TRIM58: variants seen among roughly 807,000 people sequenced by gnomAD.
TRIM58 encodes E3 ubiquitin-protein ligase TRIM58.
Under a neutral mutation model 34.1 loss-of-function variants are expected in TRIM58, and 38 were observed. The ratio of observed to expected loss-of-function variants is 1.12; its 90% CI spans 0.86 to 1.46. The LOEUF (loss-of-function observed/expected upper bound fraction) is 1.46, where lower values mean the gene tolerates loss of function less well. Among genes scored for constraint, TRIM58 ranks in the 40% most tolerant of loss-of-function variants. TRIM58 has a pLI of 0.00. For missense variants in TRIM58, 677 were observed against 642.0 expected, an observed-to-expected ratio of 1.05 and a Z score of -0.59; for synonymous variants, 273 against 275.7, an observed-to-expected ratio of 0.99 and a Z score of 0.10.
Position 247,876,264 on chromosome 1 carries a change from G to T in TRIM58, c.1236G>T (p.Gly412=). The change falls in exon 6 of 6, where the codon GGG becomes GGT. Residue 412 remains glycine, a synonymous_variant. Transcript: ENST00000366481. ...LLQLESPRCI[G]IFLDYEAGEI... ...AACTGGAAAGTCCTCGCTGCATTGGGATTTTCTTGGACTATGAAGCCGGTG... is the reference window on the plus strand; with the variant it reads ...AACTGGAAAGTCCTCGCTGCATTGGTATTTTCTTGGACTATGAAGCCGGTG... 6 of 1,614,214 alleles carry T rather than the reference G, an allele frequency of 3.7e-6. No individual in the cohort carries two copies. Among genetic ancestry groups the T allele is most frequent in the Non-Finnish European group, 5.1e-6 (6 of 1,180,046 alleles).
intron 5 of TRIM58, among the ~76,000 whole-genome samples, chr1:247,870,256 G>C (rs957369474): frequency 1.3e-5 from 2 of 152,174 alleles, no homozygotes; most frequent in Non-Finnish European, 2.9e-5. Context: ...TTCCGTGGGA[G>C]AGTGCACCAT....
chr1:247,860,251 G>C (rs1663753865), intron 1 of TRIM58, among the ~76,000 whole-genome samples: 1 of 152,144 alleles, frequency 6.6e-6, no homozygotes, highest in Non-Finnish European at 1.5e-5. Context: ...CTCTCTGGAG[G>C]CCAGCAGTTT....
intron 3 of TRIM58, among the ~76,000 whole-genome samples, chr1:247,865,713 C>T (rs1024921382): frequency 6.6e-6 from 1 of 152,072 alleles, no homozygotes; most frequent in African/African-American, 2.4e-5. Context: ...GCATCATATC[C>T]CAAGTGAACA....
intron 5 of TRIM58, among the ~76,000 whole-genome samples, chr1:247,874,023 T>TAGTAGC (rs201133113): frequency 2.0e-4 from 31 of 152,240 alleles, no homozygotes; most frequent in Middle Eastern, 3.4e-3. Context: ...GTGGTAGTGG[T>TAGTAGC]AGTAGCAGTA....
chr1:247,857,605 C>T lies in TRIM58; in HGVS notation c.359C>T (p.Ala120Val). The T allele has an allele frequency of 7.9e-7, 1 of 1,258,886 alleles. No individual in the cohort carries two copies. Among genetic ancestry groups the T allele is most frequent in the Non-Finnish European group, 9.9e-7 (1 of 1,005,330 alleles). 78.0% of individuals were successfully genotyped at this position (1,258,886 alleles called of 1,614,324 possible). A position where few individuals can be genotyped will look rare whatever the true frequency, so the allele number is the denominator to read the frequency against. The part of the protein sequence containing the change: ...DEAALCWVCD[A>V]GPEHRTHRTA... The stretch of plus-strand genomic sequence containing the variant: ...GCGGCGCTGTGCTGGGTGTGCGACG[C>T]CGGCCCCGAGCACAGGACGCACCGC... Residue 120 changes from alanine (A) to valine (V), a missense_variant, in exon 1 of 6, where the codon GCC (alanine) becomes GTC (valine). Ala to Val is a moderately conservative substitution (Grantham distance 64). Transcript: ENST00000366481.
At position 247,860,597 on chromosome 1, in the gene TRIM58, G is replaced by A; in HGVS notation, c.421-20G>A. ...GTACAGATTGAGGGCATCTGTAACA[G>A]CTGAAATGTTCCCAAACAGGTAAAG... On this transcript the variant is annotated intron_variant, in intron 1 of 5. Coordinates refer to ENST00000366481, the MANE Select transcript of TRIM58 (RefSeq NM_015431.4). The A allele has an allele frequency of 3.1e-6, 5 of 1,594,052 alleles. No individual in the cohort carries two copies. Among genetic ancestry groups the A allele is most frequent in the Non-Finnish European group, 4.3e-6 (5 of 1,162,696 alleles).
chr1:247,857,321 G>C lies in TRIM58; in HGVS notation c.75G>C (p.Glu25Asp). ...CGGTGTGCCTGGATTTCCTGCAGGA[G>C]CCGGTCAGCGTGGACTGCGGCCACA... ...RCPVCLDFLQ[E>D]PVSVDCGHSF... The change falls in exon 1 of 6, where the codon GAG (glutamate) becomes GAC (aspartate). Residue 25 changes from glutamate to aspartate, a missense_variant. Transcript: ENST00000366481. 1 of 1,455,238 alleles carries C rather than the reference G, an allele frequency of 6.9e-7. No individual in the cohort carries two copies. Among genetic ancestry groups the C allele is most frequent in the Non-Finnish European group, 9.1e-7 (1 of 1,098,918 alleles). The allele number at this position is 1,455,238 out of a possible 1,614,324, so 90.1% of individuals were successfully genotyped here. A position where few individuals can be genotyped will look rare whatever the true frequency, so the allele number is the denominator to read the frequency against.
intron 3 of TRIM58, among the ~76,000 whole-genome samples, 167 bp from the exon 4 acceptor site, chr1:247,867,678 G>A (rs1445388250): frequency 1.3e-5 from 2 of 151,810 alleles, no homozygotes; most frequent in African/African-American, 2.4e-5. Context: ...CAACAAGAAC[G>A]AAACTCCATC....
Position 247,864,561 on chromosome 1 carries a change from T to C in TRIM58, c.517-144T>C, listed in dbSNP as rs969948907. 9 of 747,432 alleles carry C rather than the reference T, an allele frequency of 1.2e-5. No homozygotes were observed. In the African/African-American group the frequency reaches 1.4e-4, roughly 12 times the overall value. 46.3% of individuals were successfully genotyped at this position (747,432 alleles called of 1,614,324 possible). A position where few individuals can be genotyped will look rare whatever the true frequency, so the allele number is the denominator to read the frequency against. Reference sequence around the variant, plus strand: ...TACTTCTTATATGAATGGACTCCAGTCTGTGCATGTTGTTAGGATGCAACC... The same window carrying C: ...TACTTCTTATATGAATGGACTCCAGCCTGTGCATGTTGTTAGGATGCAACC... On this transcript the variant is annotated intron_variant, in intron 2 of 5. Coordinates refer to ENST00000366481, the MANE Select transcript of TRIM58 (RefSeq NM_015431.4).
intron 5 of TRIM58, among the ~76,000 whole-genome samples, chr1:247,869,524 T>G (rs1380532960): frequency 2.0e-5 from 3 of 152,256 alleles, no homozygotes; most frequent in Non-Finnish European, 2.9e-5. Flanking sequence ...AATACACACT[T>G]CACAGTATCA....
intron 3 of TRIM58, among the ~76,000 whole-genome samples, chr1:247,866,431 C>T (rs1160065325): frequency 6.6e-6 from 1 of 152,140 alleles, no homozygotes; most frequent in Non-Finnish European, 1.5e-5. Context: ...GATCCGCCCA[C>T]TTTGGCCTCC....
rs979420707 is a variant in TRIM58, at chr1:247,880,091, A to G, written c.*3602A>G. Among the ~76,000 whole-genome samples, 3 of 152,092 alleles carry G rather than the reference A, an allele frequency of 2.0e-5. No homozygotes were observed. The highest frequency in any genetic ancestry group is 6.6e-5 in the Admixed American group (1 of 15,266). Reference sequence around the variant, plus strand: ...CTGGTTTGTATGTGGTTATCATTCAATCTGTATTTGTTGAATGAATAAATG... The same window carrying G: ...CTGGTTTGTATGTGGTTATCATTCAGTCTGTATTTGTTGAATGAATAAATG... On this transcript the variant is annotated 3_prime_UTR_variant, in exon 6 of 6. Coordinates refer to ENST00000366481, the MANE Select transcript of TRIM58 (RefSeq NM_015431.4).
At position 247,857,449 on chromosome 1, in the gene TRIM58, G is replaced by A; in HGVS notation, c.203G>A (p.Gly68Asp). The stretch of plus-strand genomic sequence containing the variant: ...TGCCGGGGCCCCTTCCGGCCCTCGG[G>A]CTTTCGCCCCAACCGGCAGCTGGCG... ...PQCRGPFRPS[G>D]FRPNRQLAGL... The change falls in exon 1 of 6, where the codon GGC (glycine) becomes GAC (aspartate). Residue 68 changes from glycine (G) to aspartate (D), a missense_variant. Transcript: ENST00000366481. The A allele has an allele frequency of 4.2e-6, 6 of 1,414,838 alleles. No homozygotes were observed. Among genetic ancestry groups the A allele is most frequent in the Non-Finnish European group, 5.6e-6 (6 of 1,077,434 alleles). The allele number at this position is 1,414,838 out of a possible 1,614,324, so 87.6% of individuals were successfully genotyped here. A position where few individuals can be genotyped will look rare whatever the true frequency, so the allele number is the denominator to read the frequency against.
Position 247,876,640 on chromosome 1 carries a change from A to C in TRIM58, c.*151A>C. 2 of 630,714 alleles carry C rather than the reference A, an allele frequency of 3.2e-6. No homozygotes were observed. Among genetic ancestry groups the C allele is most frequent in the South Asian group, 2.1e-5 (1 of 48,736 alleles). 39.1% of individuals were successfully genotyped at this position (630,714 alleles called of 1,614,324 possible). A position where few individuals can be genotyped will look rare whatever the true frequency, so the allele number is the denominator to read the frequency against. Reference sequence around the variant, plus strand: ...ATATGTCCATGGGACAAAAGAGGGAATATGAAATATTTGCATATGGGAAGA... The same window carrying C: ...ATATGTCCATGGGACAAAAGAGGGACTATGAAATATTTGCATATGGGAAGA... On this transcript the variant is annotated 3_prime_UTR_variant, in exon 6 of 6. Transcript: ENST00000366481.
intron 5 of TRIM58, 118 bp from the exon 6 acceptor site, chr1:247,875,782 C>T: frequency 2.6e-6 from 2 of 777,608 alleles, no homozygotes; most frequent in Non-Finnish European, 4.0e-6. Flanking sequence ...TTTGTTTTCT[C>T]TAGGAGTTAA....
intron 4 of TRIM58, 42 bp from the exon 5 acceptor site, chr1:247,867,920 TG>T (rs576727255): frequency 4.6e-4 from 747 of 1,613,712 alleles, no homozygotes; most frequent in South Asian, 4.4e-3. Flanking sequence ...GAGGAGCTGG[TG>T]GAGAACCCTG....
At chr1:247,870,653 C>T (rs112118577) in intron 5 of TRIM58, among the ~76,000 whole-genome samples, 103 of 9,266 alleles carry the variant, frequency 0.011, no homozygotes, top group Non-Finnish European at 0.017. Flanking sequence ...CCCAGAAGAA[C>T]GAGGATTAGT....
intron 5 of TRIM58, among the ~76,000 whole-genome samples, chr1:247,874,762 G>T (rs1166023310): frequency 6.6e-6 from 1 of 152,142 alleles, no homozygotes; most frequent in Non-Finnish European, 1.5e-5. Context: ...ACATCCAAGT[G>T]GGATCAGCTG....
chr1:247,866,534 G>A (rs1223667151), intron 3 of TRIM58, among the ~76,000 whole-genome samples: 2 of 152,194 alleles, frequency 1.3e-5, no homozygotes, highest in Non-Finnish European at 2.9e-5. Flanking sequence ...GCCTCCCAGA[G>A]TGCTGGGATT....
Sources: gnomAD v4.1 joint callset for allele counts (sites outside exome capture counted in the v4.1 genomes callset) on GRCh38, gnomAD v4.1.1 for gene constraint, MANE v1.5 for transcripts, NCBI Gene and HGNC (gene_info 2026-07-23, HGNC 2026-07-21) for gene names.